Variants in PTPN9 observed in about 807,000 individuals in gnomAD.
PTPN9 encodes tyrosine-protein phosphatase non-receptor type 9.
Under a neutral mutation model 69.8 loss-of-function variants are expected in PTPN9, and 26 were observed. The observed-to-expected ratio is 0.37, with a 90% CI of 0.27 to 0.52. PTPN9 has a LOEUF of 0.52. Ranked by LOEUF, PTPN9 falls within the 20% of genes least tolerant of loss-of-function variation. The probability of loss-of-function intolerance (pLI) is 0.91; values close to 1 mark genes in which losing one functional copy is unlikely to be tolerated. For synonymous variants in PTPN9, 274 were observed against 272.5 expected, an observed-to-expected ratio of 1.01 and a Z score of -0.05; for missense variants, 549 against 740.3, an observed-to-expected ratio of 0.74 and a Z score of 3.00.
rs1305915905 is a variant in PTPN9 at position 75,464,293 on chromosome 15, GA to G, written c.*4475del. On this transcript the variant is annotated 3_prime_UTR_variant, in exon 13 of 13. Transcript: ENST00000618819. ...GATCCTGTCTCTAGAGAGAGAGAGA[GA>G]AAAAAAAAAAAAGCTGGGTTCCTGC... 9.6e-4 allele frequency: 132 copies of G among 137,756 alleles called. No homozygotes were observed. The highest frequency in any genetic ancestry group is 1.2e-3 in the Non-Finnish European group (74 of 63,156). The allele number at this position is 137,756 out of a possible 1,614,324, so 8.5% of individuals were successfully genotyped here.
chr15:75,562,786 C>T (rs1472209335), intron 1 of PTPN9, among the ~76,000 whole-genome samples: 3 of 87,360 alleles, frequency 3.4e-5, no homozygotes, highest in Admixed American at 1.5e-4. Context: ...GAGCGAGACT[C>T]GTTTCAAAAA....
At chr15:75,570,423 T>G (rs1207892860) in intron 1 of PTPN9, 2 of 152,202 alleles carry the variant, frequency 1.3e-5, no homozygotes, top group Non-Finnish European at 2.9e-5. Flanking sequence ...CAAAGATCTC[T>G]GAAGTCCACG....
intron 1 of PTPN9, among the ~76,000 whole-genome samples, chr15:75,565,030 G>A (rs952047160): frequency 3.3e-5 from 5 of 151,072 alleles, no homozygotes; most frequent in Non-Finnish European, 5.9e-5. Context: ...GAACCCGGGA[G>A]GCAGAGGTTG....
At chr15:75,522,175 CAT>C (rs2141319811) in intron 4 of PTPN9, among the ~76,000 whole-genome samples, 1 of 152,300 alleles carries the variant, frequency 6.6e-6, no homozygotes, top group South Asian at 2.1e-4. Flanking sequence ...GCTGGACTAA[CAT>C]ATGATGACTG....
In PTPN9 at chr15:75,537,753, C is replaced by CAAAAAAAAAAAAAAA. The variant is rs1164644727; in HGVS notation, c.64-10507_64-10493dup. On this transcript the variant is annotated intron_variant, in intron 1 of 12. Coordinates refer to ENST00000618819, the MANE Select transcript of PTPN9 (RefSeq NM_002833.4). ...AGGGCAACAGAGGGAGACTCCATCT[C>CAAAAAAAAAAAAAAA]AAAAAAAAAAAAAAAAAAAAAAAGG... 3.5e-4 allele frequency among the ~76,000 whole-genome samples: 4 copies of CAAAAAAAAAAAAAAA among 11,390 alleles called. 1 individual carries two copies. The highest frequency in any genetic ancestry group is 2.0e-3 in the East Asian group (1 of 510). 7.5% of individuals were successfully genotyped at this position (11,390 alleles called of 152,430 possible). A position where few individuals can be genotyped will look rare whatever the true frequency, so the allele number is the denominator to read the frequency against.
Position 75,466,931 on chromosome 15 carries a change from C to A in PTPN9, c.*1838G>T, listed in dbSNP as rs1404923305. On this transcript the variant is annotated 3_prime_UTR_variant, in exon 13 of 13. Transcript: ENST00000618819. ...CATAGTGCTTAGCACATCTCAAGCACTGAACTGGTGCTGGTCCCTCTGTCC... is the reference window on the plus strand; with the variant it reads ...CATAGTGCTTAGCACATCTCAAGCAATGAACTGGTGCTGGTCCCTCTGTCC... 1.3e-5 allele frequency: 2 copies of A among 152,232 alleles called. No homozygotes were observed. The highest frequency in any genetic ancestry group is 2.9e-5 in the Non-Finnish European group (2 of 68,064). 9.4% of individuals were successfully genotyped at this position (152,232 alleles called of 1,614,324 possible).
intron 8 of PTPN9, among the ~76,000 whole-genome samples, chr15:75,489,914 C>T (rs2074699514): frequency 6.6e-6 from 1 of 152,088 alleles, no homozygotes; most frequent in African/African-American, 2.4e-5. Context: ...GACTTTACAA[C>T]TAAGGAGTAA....
intron 1 of PTPN9, among the ~76,000 whole-genome samples, chr15:75,533,661 T>C (rs561065472): frequency 3.3e-5 from 5 of 152,290 alleles, no homozygotes; most frequent in African/African-American, 1.2e-4. Context: ...TTCTTGACTA[T>C]GGCCATGAAG....
rs148594386 is a variant in PTPN9 at position 75,533,663 on chromosome 15, G to A, written c.64-6402C>T. Among the ~76,000 whole-genome samples, 154 of 152,172 alleles carry A rather than the reference G, an allele frequency of 1.0e-3. 1 individual carries two copies. Among genetic ancestry groups the A allele is most frequent in the Non-Finnish European group, 4.3e-4 (29 of 68,004 alleles). Reference sequence around the variant, plus strand: ...AATAAAAACAAGTTTCTTGACTATGGCCATGAAGATAAAGATACTAGAGAA... The same window carrying A: ...AATAAAAACAAGTTTCTTGACTATGACCATGAAGATAAAGATACTAGAGAA... On this transcript the variant is annotated intron_variant, in intron 1 of 12. Transcript: ENST00000618819.
chr15:75,574,599 A>T (rs1595974447), intron 1 of PTPN9, among the ~76,000 whole-genome samples: 1 of 152,290 alleles, frequency 6.6e-6, no homozygotes, highest in East Asian at 1.9e-4. Flanking sequence ...TCTGATTCAT[A>T]TGACTGTACA....
intron 1 of PTPN9, among the ~76,000 whole-genome samples, chr15:75,573,847 T>G (rs1333653707): frequency 1.3e-5 from 2 of 152,184 alleles, no homozygotes; most frequent in Non-Finnish European, 2.9e-5. Context: ...GACAGGTAAA[T>G]GGTGCTCTGA....
intron 1 of PTPN9, among the ~76,000 whole-genome samples, chr15:75,547,203 G>A (rs2075036788): frequency 6.6e-6 from 1 of 151,336 alleles, no homozygotes; most frequent in Non-Finnish European, 1.5e-5. Context: ...GCTGAGGCAG[G>A]AGAATCGCTT....
intron 5 of PTPN9, 55 bp downstream of exon 5, chr15:75,517,204 A>AT: frequency 7.7e-7 from 1 of 1,305,124 alleles, no homozygotes; most frequent in Non-Finnish European, 1.1e-6. Context: ...GAATTAAAAA[A>AT]ATATATATAT....
chr15:75,559,828 T>G (rs2075096438), intron 1 of PTPN9, among the ~76,000 whole-genome samples: 1 of 136,228 alleles, frequency 7.3e-6, no homozygotes, highest in South Asian at 2.3e-4. Flanking sequence ...AAGAAAAAAA[T>G]GAATATTTTT....
At chr15:75,527,284 ATAAT>A in intron 1 of PTPN9, 23 bp from the exon 2 acceptor site, 1 of 1,612,364 alleles carries the variant, frequency 6.2e-7, no homozygotes, top group Admixed American at 1.7e-5. Context: ...GAAAGAAAGA[ATAAT>A]TAGTAAGAAG....
intron 1 of PTPN9, among the ~76,000 whole-genome samples, chr15:75,528,759 G>A (rs894242173): frequency 2.0e-4 from 29 of 148,704 alleles, no homozygotes; most frequent in African/African-American, 7.2e-4. Context: ...GCAGTGCAGT[G>A]GCACAATTAC....
chr15:75,535,677 C>T (rs922879426), intron 1 of PTPN9, among the ~76,000 whole-genome samples: 1 of 152,206 alleles, frequency 6.6e-6, no homozygotes, highest in Non-Finnish European at 1.5e-5. Context: ...TATGCCATTT[C>T]TCCATTATTT....
At chr15:75,473,973 A>C (rs1191462775) in intron 9 of PTPN9, among the ~76,000 whole-genome samples, 4 of 152,146 alleles carry the variant, frequency 2.6e-5, no homozygotes. Flanking sequence ...ATGAATCTGC[A>C]TGTCAACGAG....
intron 1 of PTPN9, among the ~76,000 whole-genome samples, chr15:75,556,084 A>G (rs1047249504): frequency 1.3e-5 from 2 of 149,450 alleles, no homozygotes; most frequent in African/African-American, 4.9e-5. Flanking sequence ...ACTCTAGATC[A>G]ACAATTTTTT....
Sources: gnomAD v4.1 joint callset for allele counts (sites outside exome capture counted in the v4.1 genomes callset) on GRCh38, gnomAD v4.1.1 for gene constraint, MANE v1.5 for transcripts, NCBI Gene and HGNC (gene_info 2026-07-23, HGNC 2026-07-21) for gene names.